N4BP1: variants seen among roughly 807,000 people sequenced by gnomAD.
N4BP1 encodes NEDD4 binding protein 1.
N4BP1 carries 21 observed loss-of-function variants against 70.9 expected under a neutral mutation model. That is an observed-to-expected ratio of 0.30 (90% CI 0.21 to 0.43). The LOEUF is 0.43. Ranked by LOEUF, N4BP1 falls within the 20% of genes least tolerant of loss-of-function variation. The pLI is 1.00. For missense variants in N4BP1, 936 were observed against 1,069.4 expected, an observed-to-expected ratio of 0.88 and a Z score of 1.74; for synonymous variants, 387 against 394.6, an observed-to-expected ratio of 0.98 and a Z score of 0.23.
At chr16:48,556,276 G>A (rs1963753213) in intron 2 of N4BP1, among the ~76,000 whole-genome samples, 1 of 152,176 alleles carries the variant, frequency 6.6e-6, no homozygotes, top group Non-Finnish European at 1.5e-5. Context: ...AAAATTAAGT[G>A]AAGCCAAATT....
intron 1 of N4BP1, among the ~76,000 whole-genome samples, chr16:48,581,513 C>CA (rs1272022256): frequency 2.6e-5 from 4 of 151,862 alleles, no homozygotes; most frequent in African/African-American, 7.3e-5. Context: ...AACAGTCCAC[C>CA]AAAAAAACCC....
At chr16:48,606,114 C>T (rs9922356) in intron 1 of N4BP1, among the ~76,000 whole-genome samples, 54,694 of 151,984 alleles carry the variant, frequency 0.36, 10,101 homozygotes, top group African/African-American at 0.42. Flanking sequence ...TCAATACACT[C>T]CCTGGCACCA....
At chr16:48,603,250 C>T (rs1011394042) in intron 1 of N4BP1, among the ~76,000 whole-genome samples, 6 of 152,158 alleles carry the variant, frequency 3.9e-5, no homozygotes, top group African/African-American at 1.4e-4. Context: ...TGGTAGCCTG[C>T]CTGAGTTTCA....
At position 48,542,567 on chromosome 16, in the gene N4BP1, A is replaced by G. The variant is rs1016150706; in HGVS notation, c.*337T>C. On this transcript the variant is annotated 3_prime_UTR_variant, in exon 7 of 7. Transcript: ENST00000262384. ...TTATTTATAAAGGCTAACCATATCC[A>G]TTTGTCAATATTTTCGGCTTTAAGG... The G allele has an allele frequency of 3.7e-5, 7 of 188,132 alleles. No homozygotes were observed. Among genetic ancestry groups the G allele is most frequent in the Non-Finnish European group, 5.4e-5 (5 of 92,224 alleles). The allele number at this position is 188,132 out of a possible 1,614,324, so 11.7% of individuals were successfully genotyped here.
intron 1 of N4BP1, among the ~76,000 whole-genome samples, chr16:48,609,251 T>C (rs1964637375): frequency 6.6e-6 from 1 of 152,180 alleles, no homozygotes; most frequent in African/African-American, 2.4e-5. Flanking sequence ...AAATCCTTTC[T>C]TTCTGACATT....
chr16:48,564,157 T>C (rs905500560), intron 1 of N4BP1, among the ~76,000 whole-genome samples: 3 of 152,204 alleles, frequency 2.0e-5, no homozygotes, highest in Admixed American at 6.5e-5. Flanking sequence ...TTGCAGATAT[T>C]TTCTCCTGGT....
rs1269287068 is a variant in N4BP1, at chr16:48,609,897, G to C, written c.76C>G (p.Arg26Gly). The change falls in exon 1 of 7, where the codon CGT becomes GGT. Residue 26 changes from arginine (R) to glycine (G), a missense_variant. Arg to Gly is a moderately radical substitution (Grantham distance 125). Around this residue, in one of 4 missense-constraint regions of N4BP1, gnomAD observed 187 missense variants for 217.1 expected, o/e 0.86. Transcript: ENST00000262384. ...CTCACGCCAAACAGGCCCTCGATAC[G>C]GCCGCGGCTCTGCTCCAGCAGCTCC... ...KAELLEQSRG[R>G]IEGLFGVSLA... 3 of 1,476,068 alleles carry C rather than the reference G, an allele frequency of 2.0e-6. No homozygotes were observed. Among genetic ancestry groups the C allele is most frequent in the Non-Finnish European group, 1.8e-6 (2 of 1,115,298 alleles). 91.4% of individuals were successfully genotyped at this position (1,476,068 alleles called of 1,614,324 possible). A position where few individuals can be genotyped will look rare whatever the true frequency, so the allele number is the denominator to read the frequency against.
rs1362525441 is a variant in N4BP1 at position 48,561,085 on chromosome 16, G to C, written c.1558C>G (p.Leu520Val). ...GASSHQPRVP[L>V]FPENGLHQQP... ...TGGTGTAAACCATTTTCAGGAAAAA[G>C]TGGAACTCTGGGCTGGTGACTTGAA... The change falls in exon 2 of 7, where the codon CTT becomes GTT. Residue 520 changes from leucine to valine, a missense_variant. Leu to Val is a conservative substitution (Grantham distance 32). Transcript: ENST00000262384. 3.7e-6 allele frequency: 6 copies of C among 1,613,884 alleles called. No individual in the cohort carries two copies. Among genetic ancestry groups the C allele is most frequent in the African/African-American group, 2.7e-5 (2 of 74,930 alleles).
In N4BP1 at chr16:48,561,639, C is replaced by T. The variant is rs771746235; in HGVS notation, c.1004G>A (p.Ser335Asn). The change falls in exon 2 of 7, where the codon AGT (serine) becomes AAT (asparagine). Residue 335 changes from serine (S) to asparagine (N), a missense_variant. By Grantham distance (46) the Ser-to-Asn change is conservative. This residue lies in a region of N4BP1 where 515 missense variants were observed against 491.7 expected (regional missense o/e 1.05). Transcript: ENST00000262384. Reference protein sequence around the residue: ...SDSSADSENLSPDIKETTEEM... With the variant: ...SDSSADSENLNPDIKETTEEM... ...CTCAGTAGTTTCTTTTATATCTGGA[C>T]TTAAATTTTCAGAATCAGCAGAAGA... is the stretch of plus-strand genomic sequence containing the variant. 6.2e-7 allele frequency: 1 copy of T among 1,613,454 alleles called. No individual in the cohort carries two copies. The highest frequency in any genetic ancestry group is 1.7e-5 in the Admixed American group (1 of 59,950).
chr16:48,596,887 G>T (rs1201251022), intron 1 of N4BP1, among the ~76,000 whole-genome samples: 2 of 152,146 alleles, frequency 1.3e-5, no homozygotes, highest in African/African-American at 4.8e-5. Context: ...TGCTCCTGGG[G>T]ATAACAGTAC....
intron 1 of N4BP1, among the ~76,000 whole-genome samples, chr16:48,594,230 CTTG>C (rs1321533861): frequency 6.6e-6 from 1 of 152,088 alleles, no homozygotes; most frequent in Admixed American, 6.5e-5. Flanking sequence ...TTCACTGGAT[CTTG>C]TTGTTTGGAA....
At chr16:48,557,738 T>C (rs1445128647) in intron 2 of N4BP1, among the ~76,000 whole-genome samples, 1 of 152,170 alleles carries the variant, frequency 6.6e-6, no homozygotes, top group African/African-American at 2.4e-5. Context: ...GAGTCCAGCC[T>C]GGGCAAAATA....
Position 48,610,023 on chromosome 16 carries a change from C to G in N4BP1, c.-51G>C, listed in dbSNP as rs1964661092. The G allele has an allele frequency of 1.4e-5, 14 of 1,029,848 alleles. No homozygotes were observed. The highest frequency in any genetic ancestry group is 1.7e-5 in the Non-Finnish European group (14 of 846,672). 63.8% of individuals were successfully genotyped at this position (1,029,848 alleles called of 1,614,324 possible). A position where few individuals can be genotyped will look rare whatever the true frequency, so the allele number is the denominator to read the frequency against. ...GCCGGGGGCCGGCGGCGGCGACGCC[C>G]CCTCAGCTTGCTGCCGCTGCTCCCA... On this transcript the variant is annotated 5_prime_UTR_variant, in exon 1 of 7. Coordinates refer to ENST00000262384, the MANE Select transcript of N4BP1 (RefSeq NM_153029.4).
chr16:48,562,243 T>C lies in N4BP1; in HGVS notation c.400A>G (p.Ile134Val). The C allele has an allele frequency of 6.2e-7, 1 of 1,613,952 alleles. No homozygotes were observed. Among genetic ancestry groups the C allele is most frequent in the Non-Finnish European group, 8.5e-7 (1 of 1,179,870 alleles). ...TCAAAGAGCTTTACAAATTGTTGAATGTGACTCCTAGCCATGACCACAGCC... is the reference window on the plus strand; with the variant it reads ...TCAAAGAGCTTTACAAATTGTTGAACGTGACTCCTAGCCATGACCACAGCC... ...AEAVVMARSH[I>V]QQFVKLFENK... Residue 134 changes from isoleucine to valine, a missense_variant, in exon 2 of 7, where the codon ATT (isoleucine) becomes GTT (valine). This residue lies in a region of N4BP1 where 187 missense variants were observed against 217.1 expected (regional missense o/e 0.86). Transcript: ENST00000262384.
chr16:48,573,301 A>T (rs1481805260), intron 1 of N4BP1, among the ~76,000 whole-genome samples: 2 of 151,864 alleles, frequency 1.3e-5, no homozygotes, highest in Non-Finnish European at 2.9e-5. Flanking sequence ...GATAAGAAAT[A>T]GCAGTACAGG....
Position 48,560,777 on chromosome 16 carries a change from T to C in N4BP1, c.1866A>G (p.Ile622Met). 6.2e-7 allele frequency: 1 copy of C among 1,609,858 alleles called. No homozygotes were observed. The highest frequency in any genetic ancestry group is 1.1e-5 in the South Asian group (1 of 90,320). The part of the protein sequence containing the change: ...PGRTDLKHIV[I>M]DGSNVAITHG... The stretch of plus-strand genomic sequence containing the variant: ...ACGTAATTGCAACATTGCTCCCATC[T>C]ATAACAATGTGTTTCAAATCCGTTC... Residue 622 changes from isoleucine (I) to methionine (M), a missense_variant, in exon 2 of 7, where the codon ATA (isoleucine) becomes ATG (methionine). By Grantham distance (10) the Ile-to-Met change is conservative. This residue lies in a region of N4BP1 where 229 missense variants were observed against 343.5 expected (regional missense o/e 0.67). Transcript: ENST00000262384.
intron 1 of N4BP1, among the ~76,000 whole-genome samples, chr16:48,601,668 CCTTT>C (rs1189513320): frequency 6.6e-6 from 1 of 151,472 alleles, no homozygotes; most frequent in African/African-American, 2.4e-5. Context: ...CTGAACAAAA[CCTTT>C]CTAAGTTAGG....
Position 48,547,470 on chromosome 16 carries a change from T to C in N4BP1, c.2225+537A>G, listed in dbSNP as rs574949721. Reference sequence around the variant, plus strand: ...ACTCTTGACATAACTTTGTTTTATTTTGGATGATATCTAAAGATGTTTTCA... The same window carrying C: ...ACTCTTGACATAACTTTGTTTTATTCTGGATGATATCTAAAGATGTTTTCA... On this transcript the variant is annotated intron_variant, in intron 5 of 6. Coordinates refer to ENST00000262384, the MANE Select transcript of N4BP1 (RefSeq NM_153029.4). Among the ~76,000 whole-genome samples the C allele has an allele frequency of 8.5e-5, 13 of 152,344 alleles. No homozygotes were observed. The South Asian group carries it at 2.7e-3, about 32-fold the overall frequency.
chr16:48,560,408 CT>C (rs1963836279), intron 2 of N4BP1: 1 of 180,148 alleles, frequency 5.6e-6, no homozygotes, highest in African/African-American at 2.4e-5. Context: ...AAGCTGTGTT[CT>C]CTTATTTAGA....
Sources: allele counts gnomAD v4.1 joint callset (sites outside exome capture counted in the v4.1 genomes callset), GRCh38; gene constraint gnomAD v4.1.1; regional missense constraint gnomAD v4.1.1; transcripts MANE v1.5; gene names NCBI Gene and HGNC (gene_info 2026-07-23, HGNC 2026-07-21).